LY75: variants seen among roughly 807,000 people sequenced by gnomAD.
LY75 encodes the protein lymphocyte antigen 75.
LY75 carries 185 observed loss-of-function variants against 231.7 expected under a neutral mutation model. The observed-to-expected ratio is 0.80, with a 90% CI of 0.71 to 0.90. LY75 has a LOEUF of 0.90. Among genes scored for constraint, LY75 ranks in the 40% least tolerant of loss-of-function variants. LY75 has a pLI of 0.00. For synonymous variants in LY75, 668 were observed against 689.0 expected, an observed-to-expected ratio of 0.97 and a Z score of 0.48; for missense variants, 1,947 against 2,050.2, an observed-to-expected ratio of 0.95 and a Z score of 0.97.
intron 12 of LY75, among the ~76,000 whole-genome samples, chr2:159,873,096 G>T (rs1685066050): frequency 6.6e-6 from 1 of 151,770 alleles, no homozygotes; most frequent in Non-Finnish European, 1.5e-5. Context: ...AAGTAAACCT[G>T]GAACTTGGGC....
intron 1 of LY75, among the ~76,000 whole-genome samples, chr2:159,900,083 T>C (rs1389730275): frequency 6.6e-6 from 1 of 152,114 alleles, no homozygotes; most frequent in Non-Finnish European, 1.5e-5. Context: ...TCCTGTGGGT[T>C]TGGACAATGG....
At chr2:159,879,207 A>G in intron 9 of LY75, 52 bp downstream of exon 9, 1 of 1,576,346 alleles carries the variant, frequency 6.3e-7, no homozygotes, top group South Asian at 1.2e-5. Context: ...ACCATTTCTA[A>G]CCAAGAAGTT....
Position 159,806,958 on chromosome 2 carries a change from A to G in LY75, c.4990+15T>C, listed in dbSNP as rs1383220724. On this transcript the variant is annotated intron_variant, in intron 34 of 34. Transcript: ENST00000263636. ...GTTCTGCAAAAAGTCTCCTAAGGAC[A>G]GGTTCCATACTTACCCAGAGGCACT... 1 of 1,604,194 alleles carries G rather than the reference A, an allele frequency of 6.2e-7. No individual in the cohort carries two copies.
rs530424825 is a variant in LY75, at chr2:159,835,990, C to T, written c.3508-345G>A. On this transcript the variant is annotated intron_variant, in intron 25 of 34. Coordinates refer to ENST00000263636, the MANE Select transcript of LY75 (RefSeq NM_002349.4). ...AGTCTATGTCCTAACCATTATGCTA[C>T]GCTGCCTCACACATAATTGGATCCA... Among the ~76,000 whole-genome samples, 6 of 152,142 alleles carry T rather than the reference C, an allele frequency of 3.9e-5. 1 individual carries two copies. Among genetic ancestry groups the T allele is most frequent in the Admixed American group, 6.6e-5 (1 of 15,264 alleles).
Position 159,878,687 on chromosome 2 carries a change from A to G in LY75, c.1550T>C (p.Ile517Thr), listed in dbSNP as rs1354584285. 1.9e-6 allele frequency: 3 copies of G among 1,614,004 alleles called. No individual in the cohort carries two copies. The highest frequency in any genetic ancestry group is 1.1e-5 in the South Asian group (1 of 91,076). Residue 517 changes from isoleucine (I) to threonine (T), a missense_variant, in exon 10 of 35, where the codon ATT becomes ACT. By Grantham distance (89) the Ile-to-Thr change is moderately conservative. Transcript: ENST00000263636. ...TCCAAAAGGGACCTCATCCTCATAA[A>G]TCTTGTAACAGGTTTCTCCATGTCT... ...WKRHGETCYK[I>T]YEDEVPFGTN...
chr2:159,858,483 G>C lies in LY75; in HGVS notation c.2269-7C>G. The C allele has an allele frequency of 6.2e-7, 1 of 1,606,436 alleles. No individual in the cohort carries two copies. The highest frequency in any genetic ancestry group is 8.5e-7 in the Non-Finnish European group (1 of 1,177,706). On this transcript the variant is annotated splice_region_variant and splice_polypyrimidine_tract_variant and intron_variant, in intron 15 of 34. Coordinates refer to ENST00000263636, the MANE Select transcript of LY75 (RefSeq NM_002349.4). ...GCCATGGCCTATGAAATACCTATAA[G>C]AGGAAAAGTATTGCAGAATATTTTG... is the stretch of plus-strand genomic sequence containing the variant.
At chr2:159,881,392 G>A in intron 7 of LY75, 152 bp from the exon 8 acceptor site, 1 of 958,146 alleles carries the variant, frequency 1.0e-6, no homozygotes, top group Non-Finnish European at 1.5e-6. Flanking sequence ...CGACAGGCAG[G>A]TTGGGTAATG....
At chr2:159,842,498 C>A in intron 23 of LY75, 124 bp from the exon 24 acceptor site, 1 of 1,200,558 alleles carries the variant, frequency 8.3e-7, no homozygotes. Flanking sequence ...AGGACCTGAC[C>A]ATGACATTTC....
chr2:159,886,753 C>T (rs1218210128), intron 4 of LY75, among the ~76,000 whole-genome samples: 1 of 152,134 alleles, frequency 6.6e-6, no homozygotes, highest in Non-Finnish European at 1.5e-5. Context: ...TTCTGCTCTC[C>T]TATTAGCTTG....
chr2:159,812,656 A>G (rs1682996859), intron 31 of LY75, among the ~76,000 whole-genome samples: 1 of 152,016 alleles, frequency 6.6e-6, no homozygotes, highest in Non-Finnish European at 1.5e-5. Flanking sequence ...CAAGCCACCC[A>G]CCTGTCTCAG....
chr2:159,822,396 C>T (rs778646746), intron 28 of LY75, among the ~76,000 whole-genome samples: 4 of 152,206 alleles, frequency 2.6e-5, no homozygotes, highest in African/African-American at 4.8e-5. Context: ...GGCAGTTTTA[C>T]GCTCCCAGTG....
At chr2:159,861,283 G>A (rs1684692288) in intron 14 of LY75, among the ~76,000 whole-genome samples, 1 of 152,094 alleles carries the variant, frequency 6.6e-6, no homozygotes, top group Non-Finnish European at 1.5e-5. Context: ...AATAAAAAAG[G>A]AGGTGACATT....
At chr2:159,815,170 T>C (rs904310675) in intron 31 of LY75, among the ~76,000 whole-genome samples, 2 of 152,098 alleles carry the variant, frequency 1.3e-5, no homozygotes, top group Admixed American at 6.5e-5. Context: ...CCAGCTATTT[T>C]TTTTGCATTT....
chr2:159,808,057 G>T, intron 33 of LY75: 2 of 972,590 alleles, frequency 2.1e-6, no homozygotes, highest in African/African-American at 1.8e-5. Context: ...ATAACTTTCT[G>T]AATAACGAAG....
intron 6 of LY75, among the ~76,000 whole-genome samples, chr2:159,883,288 AAAAAAG>A (rs566235798): frequency 0.018 from 2,604 of 144,572 alleles, 65 homozygotes; most frequent in African/African-American, 0.072. Flanking sequence ...TAATTAAAAA[AAAAAAG>A]AAAAAAAAAT....
At chr2:159,849,177 G>C (rs906967105) in intron 23 of LY75, among the ~76,000 whole-genome samples, 12 of 152,102 alleles carry the variant, frequency 7.9e-5, no homozygotes, top group Admixed American at 2.6e-4. Context: ...CATCAACTTT[G>C]AGCAAAGTAA....
At chr2:159,833,772 T>A (rs1440110842) in intron 27 of LY75, among the ~76,000 whole-genome samples, 1 of 152,148 alleles carries the variant, frequency 6.6e-6, no homozygotes, top group Non-Finnish European at 1.5e-5. Context: ...GGGAGGTAAT[T>A]GAATCTTGAG....
chr2:159,850,397 C>T lies in LY75; in HGVS notation c.2954G>A (p.Gly985Asp). The change falls in exon 22 of 35, where the codon GGC becomes GAC. Residue 985 changes from glycine to aspartate, a missense_variant. By Grantham distance (94) the Gly-to-Asp change is moderately conservative. Transcript: ENST00000263636. ...QASDTCHSYG[G>D]TLPSVLSQIE... is the part of the protein sequence containing the mutation. ...CTGGCTCAACACTGAAGGAAGGGTG[C>T]CACCATAGGAGTGACAGGTATCGCT... The T allele has an allele frequency of 6.2e-7, 1 of 1,613,590 alleles. No homozygotes were observed.
intron 26 of LY75, among the ~76,000 whole-genome samples, chr2:159,834,645 CT>C (rs1683766179): frequency 6.6e-6 from 1 of 152,108 alleles, no homozygotes; most frequent in Non-Finnish European, 1.5e-5. Context: ...CATTGATGTT[CT>C]AAATAAGTTA....
Sources: allele counts gnomAD v4.1 joint callset (sites outside exome capture counted in the v4.1 genomes callset), GRCh38; gene constraint gnomAD v4.1.1; transcripts MANE v1.5; gene names NCBI Gene and HGNC (gene_info 2026-07-23, HGNC 2026-07-21).